Variants in CEP170 observed in about 807,000 individuals in gnomAD.
CEP170 encodes the protein centrosomal protein 170.
A neutral mutation model predicts 151.9 loss-of-function variants in CEP170; 21 were observed. The observed-to-expected ratio is 0.14, with a 90% CI of 0.10 to 0.20. The LOEUF (loss-of-function observed/expected upper bound fraction) is 0.20, where lower values mean the gene tolerates loss of function less well. Among genes scored for constraint, CEP170 ranks in the 10% least tolerant of loss-of-function variants. The pLI, the probability that CEP170 is intolerant of heterozygous loss-of-function variation, is 1.00. For missense variants in CEP170, 964 were observed against 1,892.9 expected (o/e 0.51, Z 9.11); for synonymous variants, 356 against 648.8 (o/e 0.55, Z 6.86).
chr1:243,147,383 A>G (rs1362064887), intron 14 of CEP170, among the ~76,000 whole-genome samples: 2 of 152,230 alleles, frequency 1.3e-5, no homozygotes, highest in African/African-American at 2.4e-5. Context: ...CATAATTTTA[A>G]TACAGCCTTT....
chr1:243,247,507 C>A (rs1013479881), intron 1 of CEP170, among the ~76,000 whole-genome samples: 1 of 152,168 alleles, frequency 6.6e-6, no homozygotes, highest in Non-Finnish European at 1.5e-5. Flanking sequence ...GCCTGCGCCA[C>A]CACGCCTGAC....
At chr1:243,213,070 G>T (rs1039951500) in intron 3 of CEP170, among the ~76,000 whole-genome samples, 12 of 151,974 alleles carry the variant, frequency 7.9e-5, no homozygotes, top group African/African-American at 2.9e-4. Context: ...TACCGTTTCA[G>T]TAAAGTACCA....
intron 16 of CEP170, among the ~76,000 whole-genome samples, chr1:243,137,404 C>T (rs1448741510): frequency 1.3e-5 from 2 of 152,144 alleles, no homozygotes; most frequent in African/African-American, 2.4e-5. Context: ...ACAGGGAATA[C>T]GATTACATGT....
chr1:243,136,995 C>A (rs2055167161), intron 16 of CEP170, among the ~76,000 whole-genome samples: 1 of 152,278 alleles, frequency 6.6e-6, no homozygotes, highest in Non-Finnish European at 1.5e-5. Flanking sequence ...CCAGGGGTCA[C>A]CAACCTCTGT....
Position 243,169,720 on chromosome 1 carries a change from A to G in CEP170, c.1751T>C (p.Val584Ala). The change falls in exon 12 of 20, where the codon GTT (valine) becomes GCT (alanine). Residue 584 changes from valine (V) to alanine (A), a missense_variant. Transcript: ENST00000366542. The part of the protein sequence containing the change: ...GTSSSGSKRW[V>A]SQWASLAANH... ...GGCAGCCAAACTAGCCCACTGTGAA[A>G]CCCAACGTTTGCTTCCAGATGAAGA... 1 of 1,613,624 alleles carries G rather than the reference A, an allele frequency of 6.2e-7. No individual in the cohort carries two copies. The highest frequency in any genetic ancestry group is 8.5e-7 in the Non-Finnish European group (1 of 1,179,682).
At chr1:243,216,531 C>T (rs1461535099) in intron 3 of CEP170, among the ~76,000 whole-genome samples, 2 of 152,056 alleles carry the variant, frequency 1.3e-5, no homozygotes, top group African/African-American at 4.8e-5. Context: ...GAAGACTGCC[C>T]TTCCATGATG....
chr1:243,181,006 A>C (rs963139243), intron 10 of CEP170, among the ~76,000 whole-genome samples: 2 of 152,182 alleles, frequency 1.3e-5, no homozygotes, highest in African/African-American at 4.8e-5. Context: ...ATGAGGAGAA[A>C]TATTTCTTTT....
chr1:243,149,735 G>A (rs1342905386), intron 14 of CEP170, among the ~76,000 whole-genome samples: 1 of 152,036 alleles, frequency 6.6e-6, no homozygotes, highest in Non-Finnish European at 1.5e-5. Flanking sequence ...TATTATAATT[G>A]AAGACTTGTT....
chr1:243,176,239 C>T (rs966761401), intron 10 of CEP170, among the ~76,000 whole-genome samples: 4 of 151,914 alleles, frequency 2.6e-5, no homozygotes, highest in Admixed American at 1.3e-4. Context: ...TAGAAGTCCA[C>T]AGTGGGGAAG....
intron 1 of CEP170, among the ~76,000 whole-genome samples, chr1:243,230,183 T>A (rs2063613457): frequency 6.6e-6 from 1 of 151,568 alleles, no homozygotes; most frequent in Admixed American, 6.6e-5. Flanking sequence ...AGACCTCATA[T>A]CTATGAAAAA....
intron 19 of CEP170, among the ~76,000 whole-genome samples, chr1:243,127,389 A>G (rs1159116731): frequency 6.6e-6 from 1 of 152,148 alleles, no homozygotes; most frequent in African/African-American, 2.4e-5. Context: ...GTTGACATGG[A>G]AAGTTCTCAG....
At chr1:243,139,020 A>G (rs1205740868) in intron 16 of CEP170, among the ~76,000 whole-genome samples, 1 of 152,108 alleles carries the variant, frequency 6.6e-6, no homozygotes, top group Admixed American at 6.5e-5. Flanking sequence ...TTATAATCTC[A>G]CTGTAGTCTT....
Position 243,156,462 on chromosome 1 carries a change from T to C in CEP170, c.3677-7A>G. 6.5e-7 allele frequency: 1 copy of C among 1,528,108 alleles called. No individual in the cohort carries two copies. The highest frequency in any genetic ancestry group is 1.3e-5 in the South Asian group (1 of 78,986). The allele number at this position is 1,528,108 out of a possible 1,614,324, so 94.7% of individuals were successfully genotyped here. Reference sequence around the variant, plus strand: ...CGCCTCCATCTTGAATTTACTAAATTAGTTTAATTATTAAAAAAAGAATTA... The same window carrying C: ...CGCCTCCATCTTGAATTTACTAAATCAGTTTAATTATTAAAAAAAGAATTA... On this transcript the variant is annotated splice_polypyrimidine_tract_variant and splice_region_variant and intron_variant, in intron 13 of 19. Transcript: ENST00000366542.
At chr1:243,231,520 T>C (rs1485032245) in intron 1 of CEP170, among the ~76,000 whole-genome samples, 1 of 152,116 alleles carries the variant, frequency 6.6e-6, no homozygotes, top group African/African-American at 2.4e-5. Context: ...TACTGGAAAG[T>C]ATAAAGGTGT....
intron 16 of CEP170, among the ~76,000 whole-genome samples, chr1:243,137,133 G>A (rs1046493923): frequency 6.8e-4 from 104 of 152,336 alleles, no homozygotes; most frequent in African/African-American, 2.3e-3. Flanking sequence ...GGACATAGCC[G>A]TGTTGTAACA....
chr1:243,221,605 T>C (rs1050775885), intron 3 of CEP170, 119 bp downstream of exon 3: 7 of 1,025,466 alleles, frequency 6.8e-6, no homozygotes, highest in Non-Finnish European at 9.9e-6. Context: ...TGATAAGCAT[T>C]TGAAAATAAC....
chr1:243,130,724 T>C (rs1386903689), intron 17 of CEP170, among the ~76,000 whole-genome samples: 1 of 151,452 alleles, frequency 6.6e-6, no homozygotes, highest in Non-Finnish European at 1.5e-5. Context: ...AAGATCAACA[T>C]GCCAGACTTA....
At chr1:243,183,181 G>A (rs900045960) in intron 10 of CEP170, among the ~76,000 whole-genome samples, 13 of 151,974 alleles carry the variant, frequency 8.6e-5, no homozygotes, top group African/African-American at 2.4e-4. Flanking sequence ...TCACCTTCTC[G>A]TAGACACAAA....
At chr1:243,190,643 T>C (rs1036196496) in intron 8 of CEP170, among the ~76,000 whole-genome samples, 5 of 152,174 alleles carry the variant, frequency 3.3e-5, no homozygotes, top group African/African-American at 1.2e-4. Context: ...AATCTAGATA[T>C]TGATCTCAAT....
Sources: allele counts gnomAD v4.1 joint callset (sites outside exome capture counted in the v4.1 genomes callset), GRCh38; gene constraint gnomAD v4.1.1; transcripts MANE v1.5; gene names NCBI Gene and HGNC (gene_info 2026-07-23, HGNC 2026-07-21).